Variants in RBFOX1 observed in about 807,000 individuals in gnomAD.
The protein encoded by RBFOX1 is RNA binding protein fox-1 homolog 1.
RBFOX1 carries 8 observed loss-of-function variants against 57.7 expected under a neutral mutation model. The ratio of observed to expected loss-of-function variants is 0.14; its 90% CI spans 0.08 to 0.25. RBFOX1 has a LOEUF of 0.25. Among genes scored for constraint, RBFOX1 ranks in the 10% least tolerant of loss-of-function variants. RBFOX1 has a pLI of 1.00. For synonymous variants in RBFOX1, 326 were observed against 222.4 expected (o/e 1.47, Z -4.15); for missense variants, 611 against 548.5 (o/e 1.11, Z -1.14).
intron 4 of RBFOX1, among the ~76,000 whole-genome samples, chr16:7,376,244 CAG>C (rs2147680500): frequency 6.6e-6 from 1 of 152,288 alleles, no homozygotes; most frequent in Admixed American, 6.5e-5. Context: ...TTCTGATAAA[CAG>C]GGCATTATAT....
intron 1 of RBFOX1, among the ~76,000 whole-genome samples, chr16:5,252,052 G>C (rs2062465833): frequency 6.6e-6 from 1 of 152,176 alleles, no homozygotes; most frequent in South Asian, 2.1e-4. Context: ...GGGAAGTGCA[G>C]GTCAGCATCC....
At chr16:6,115,140 G>T (rs1163325017) in intron 1 of RBFOX1, among the ~76,000 whole-genome samples, 1 of 152,086 alleles carries the variant, frequency 6.6e-6, no homozygotes, top group Non-Finnish European at 1.5e-5. Flanking sequence ...GGGTATCTGG[G>T]TATTGCTTTT....
chr16:6,353,895 T>A (rs536052018), intron 2 of RBFOX1, among the ~76,000 whole-genome samples: 1 of 152,188 alleles, frequency 6.6e-6, no homozygotes, highest in African/African-American at 2.4e-5. Context: ...AACTTGTTCA[T>A]GTCTTCTTTT....
At chr16:6,250,995 G>A (rs2097606032) in intron 1 of RBFOX1, among the ~76,000 whole-genome samples, 1 of 152,046 alleles carries the variant, frequency 6.6e-6, no homozygotes, top group Non-Finnish European at 1.5e-5. Flanking sequence ...GAGATGGGGT[G>A]GGGAGTGTGA....
intron 4 of RBFOX1, among the ~76,000 whole-genome samples, chr16:7,241,234 A>T (rs1027551827): frequency 1.3e-5 from 2 of 152,104 alleles, no homozygotes; most frequent in African/African-American, 4.8e-5. Flanking sequence ...CGGAGTTTTT[A>T]TTCTCATTAG....
intron 4 of RBFOX1, among the ~76,000 whole-genome samples, chr16:7,503,279 G>T (rs2071616061): frequency 6.6e-6 from 1 of 152,170 alleles, no homozygotes; most frequent in South Asian, 2.1e-4. Flanking sequence ...TCACGGCAGA[G>T]TTGCTGTCTC....
chr16:5,955,118 T>TAAAAAAAAAAAAAAAAAAAAA (rs34488881), intron 4 of RBFOX1, among the ~76,000 whole-genome samples: 5 of 14,290 alleles, frequency 3.5e-4, no homozygotes, highest in Non-Finnish European at 4.3e-4. Context: ...CCATCTCTAC[T>TAAAAAAAAAAAAAAAAAAAAA]AAAAAAAAAA....
intron 1 of RBFOX1, among the ~76,000 whole-genome samples, chr16:6,188,615 C>G (rs2097122703): frequency 6.6e-6 from 1 of 151,966 alleles, no homozygotes; most frequent in African/African-American, 2.4e-5. Flanking sequence ...TCCTTGTTTC[C>G]CAGCTACCAG....
At chr16:6,440,656 C>T (rs1328771154) in intron 2 of RBFOX1, among the ~76,000 whole-genome samples, 1 of 151,954 alleles carries the variant, frequency 6.6e-6, no homozygotes, top group South Asian at 2.1e-4. Context: ...CAAAAATTAG[C>T]TGGGTGTGGT....
intron 3 of RBFOX1, among the ~76,000 whole-genome samples, chr16:5,665,429 T>G (rs1055742326): frequency 8.4e-6 from 1 of 119,620 alleles, no homozygotes; most frequent in Non-Finnish European, 2.0e-5. Flanking sequence ...TTATACCCCT[T>G]GTTCTCTGGC....
intron 3 of RBFOX1, among the ~76,000 whole-genome samples, chr16:7,015,072 T>C (rs1752348824): frequency 1.3e-5 from 2 of 152,204 alleles, no homozygotes; most frequent in Admixed American, 1.3e-4. Context: ...TGTTTATCTT[T>C]TTCTTGCATT....
chr16:6,478,427 ATATTTTTT>A (rs1311599159), intron 2 of RBFOX1, among the ~76,000 whole-genome samples: 2 of 12,700 alleles, frequency 1.6e-4, no homozygotes, highest in African/African-American at 5.7e-4. Flanking sequence ...ATATATATAT[ATATTTTTT>A]TTTTTTTTTT....
rs541683569 is a variant in RBFOX1 at position 6,350,208 on chromosome 16, G to A, written c.-64+33151G>A. 1.2e-3 allele frequency among the ~76,000 whole-genome samples: 177 copies of A among 151,954 alleles called. 2 individuals are homozygous for A. The highest frequency in any genetic ancestry group is 2.1e-3 in the Non-Finnish European group (141 of 67,964). ...TCCCAGCTCTTTAGGAGGCTAAGGC[G>A]GGCAGATTGCCTGAGGTCGGGAGTT... On this transcript the variant is annotated intron_variant, in intron 2 of 15. Transcript: ENST00000550418.
intron 4 of RBFOX1, among the ~76,000 whole-genome samples, chr16:7,194,761 C>G (rs200906676): frequency 0.045 from 4,708 of 104,166 alleles, 122 homozygotes; most frequent in South Asian, 0.15. Flanking sequence ...AACCTCATCT[C>G]TACAAAAACT....
chr16:6,925,160 G>C (rs1178803595), intron 3 of RBFOX1, among the ~76,000 whole-genome samples: 1 of 59,786 alleles, frequency 1.7e-5, no homozygotes, highest in Non-Finnish European at 2.9e-5. Context: ...TTGAGATGGA[G>C]TTTTGCTCTC....
intron 3 of RBFOX1, among the ~76,000 whole-genome samples, chr16:6,886,778 C>G (rs868517130): frequency 7.3e-6 from 1 of 136,400 alleles, no homozygotes; most frequent in Non-Finnish European, 1.6e-5. Flanking sequence ...CAAAACAAAA[C>G]AAAACAAAAA....
At chr16:7,602,322 T>A (rs751034128) in intron 9 of RBFOX1, among the ~76,000 whole-genome samples, 6 of 152,170 alleles carry the variant, frequency 3.9e-5, no homozygotes, top group Non-Finnish European at 8.8e-5. Flanking sequence ...TGCTTGCGTA[T>A]CTGATACAGA....
chr16:6,512,029 G>C (rs2096265301), intron 2 of RBFOX1, among the ~76,000 whole-genome samples: 1 of 151,900 alleles, frequency 6.6e-6, no homozygotes, highest in South Asian at 2.1e-4. Context: ...CAAGCCCTCT[G>C]AGAGGCCAAG....
At chr16:5,400,523 C>G (rs922444317) in intron 1 of RBFOX1, among the ~76,000 whole-genome samples, 2 of 152,146 alleles carry the variant, frequency 1.3e-5, no homozygotes, top group African/African-American at 4.8e-5. Flanking sequence ...TGTATCATTT[C>G]TATCCTGATT....
Sources: gnomAD v4.1 joint callset for allele counts (sites outside exome capture counted in the v4.1 genomes callset) on GRCh38, gnomAD v4.1.1 for gene constraint, MANE v1.5 for transcripts, NCBI Gene and HGNC (gene_info 2026-07-23, HGNC 2026-07-21) for gene names.